The following ERC2 variants were observed in gnomAD, a reference collection of about 807,000 sequenced individuals.
The protein encoded by ERC2 is ELKS/RAB6-interacting/CAST family member 2.
ERC2 carries 42 observed loss-of-function variants against 114.8 expected under a neutral mutation model. That is an observed-to-expected ratio of 0.37 (90% confidence interval 0.29 to 0.47). The LOEUF (loss-of-function observed/expected upper bound fraction) is 0.47. Among genes scored for constraint, ERC2 ranks in the 20% least tolerant of loss-of-function variants. The probability of loss-of-function intolerance (pLI) is 0.99; values close to 1 mark genes in which losing one functional copy is unlikely to be tolerated. For missense variants in ERC2, 939 were observed against 1,150.7 expected, an observed-to-expected ratio of 0.82 and a Z score of 2.66; for synonymous variants, 454 against 425.5, an observed-to-expected ratio of 1.07 and a Z score of -0.82.
chr3:56,261,865 C>A (rs2052954047), intron 3 of ERC2, among the ~76,000 whole-genome samples: 1 of 152,162 alleles, frequency 6.6e-6, no homozygotes, highest in African/African-American at 2.4e-5. Context: ...CCTCCTCCCA[C>A]CTTCCACCCT....
chr3:56,057,004 A>G (rs1240249744), intron 7 of ERC2, among the ~76,000 whole-genome samples: 2 of 152,188 alleles, frequency 1.3e-5, no homozygotes, highest in African/African-American at 2.4e-5. Context: ...TCTAACCTAC[A>G]TAGTTAAAAA....
intron 14 of ERC2, among the ~76,000 whole-genome samples, chr3:55,788,350 A>G (rs2069682251): frequency 6.6e-6 from 1 of 152,170 alleles, no homozygotes; most frequent in Non-Finnish European, 1.5e-5. Context: ...GGGTATCTCG[A>G]GTCCTGGCCA....
intron 13 of ERC2, among the ~76,000 whole-genome samples, chr3:55,947,810 C>T (rs907181597): frequency 6.6e-6 from 1 of 152,130 alleles, no homozygotes; most frequent in East Asian, 1.9e-4. Flanking sequence ...ATTATTATGG[C>T]AATTGCTAAC....
chr3:55,593,990 C>A (rs904834410), intron 17 of ERC2, among the ~76,000 whole-genome samples: 2 of 152,148 alleles, frequency 1.3e-5, no homozygotes, highest in African/African-American at 4.8e-5. Flanking sequence ...ACGGTCCTGC[C>A]CAGCCTTCTT....
At chr3:55,947,551 G>A (rs1559914473) in intron 13 of ERC2, among the ~76,000 whole-genome samples, 2 of 152,136 alleles carry the variant, frequency 1.3e-5, no homozygotes, top group Admixed American at 6.5e-5. Context: ...GGCCTAGTAT[G>A]TTTTTGCTCA....
intron 3 of ERC2, among the ~76,000 whole-genome samples, chr3:56,258,585 C>A (rs1232760084): frequency 6.6e-6 from 1 of 152,144 alleles, no homozygotes; most frequent in Non-Finnish European, 1.5e-5. Context: ...ACCCGGGAGG[C>A]GGAGCTTGTA....
intron 3 of ERC2, among the ~76,000 whole-genome samples, chr3:56,183,886 T>C (rs949493478): frequency 6.6e-6 from 1 of 152,070 alleles, no homozygotes; most frequent in Non-Finnish European, 1.5e-5. Context: ...TAAAGATATA[T>C]ATAAAAATAT....
At chr3:55,722,886 T>C (rs543405400) in intron 15 of ERC2, among the ~76,000 whole-genome samples, 1 of 152,350 alleles carries the variant, frequency 6.6e-6, no homozygotes, top group Non-Finnish European at 1.5e-5. Context: ...TATTTACGAA[T>C]GTCAAGTCCA....
chr3:56,085,174 T>G (rs1360748713), intron 6 of ERC2, among the ~76,000 whole-genome samples: 3 of 152,092 alleles, frequency 2.0e-5, no homozygotes, highest in Admixed American at 2.0e-4. Flanking sequence ...AAAGAAAAAT[T>G]ATTGGAGTAG....
chr3:56,464,290 C>T (rs1017946979), intron 1 of ERC2, among the ~76,000 whole-genome samples: 31 of 152,180 alleles, frequency 2.0e-4, no homozygotes, highest in African/African-American at 4.6e-4. Flanking sequence ...GACATTTGCT[C>T]GTGTAGTTTG....
At chr3:55,698,852 G>A (rs865794675) in intron 16 of ERC2, among the ~76,000 whole-genome samples, 12 of 152,102 alleles carry the variant, frequency 7.9e-5, no homozygotes, top group African/African-American at 2.9e-4. Flanking sequence ...TTTCACATGC[G>A]TTACTTAGTC....
intron 3 of ERC2, among the ~76,000 whole-genome samples, chr3:56,230,337 A>T (rs1342713248): frequency 1.3e-5 from 2 of 152,264 alleles, no homozygotes; most frequent in East Asian, 3.8e-4. Context: ...TATCAAACCC[A>T]TTATTTGAAA....
At chr3:56,078,602 G>A (rs945710681) in intron 7 of ERC2, among the ~76,000 whole-genome samples, 2 of 152,126 alleles carry the variant, frequency 1.3e-5, no homozygotes, top group East Asian at 1.9e-4. Context: ...TGCATAGCTC[G>A]GTCCTTGAAT....
intron 1 of ERC2, among the ~76,000 whole-genome samples, chr3:56,442,291 C>T (rs2107455964): frequency 6.6e-6 from 1 of 152,228 alleles, no homozygotes; most frequent in Non-Finnish European, 1.5e-5. Context: ...AGCGAACTCG[C>T]CTCACTGCAA....
chr3:56,069,682 T>A lies in ERC2; in HGVS notation c.1641+11135A>T, dbSNP rs112488648. On this transcript the variant is annotated intron_variant, in intron 7 of 17. Transcript: ENST00000288221. ...ATCTACCACAGTACTTTTGTTAGAG[T>A]TATAAATGACTTTTATAAACCATAA... 8.1e-3 allele frequency among the ~76,000 whole-genome samples: 1,231 copies of A among 152,186 alleles called. 9 individuals carry two copies. Among genetic ancestry groups the A allele is most frequent in the African/African-American group, 0.024 (999 of 41,510 alleles).
intron 14 of ERC2, among the ~76,000 whole-genome samples, chr3:55,871,781 C>T (rs1029615729): frequency 6.6e-6 from 1 of 152,070 alleles, no homozygotes; most frequent in African/African-American, 2.4e-5. Context: ...TATAATACCA[C>T]CAAATGGTCC....
intron 14 of ERC2, among the ~76,000 whole-genome samples, chr3:55,823,800 C>T (rs963758791): frequency 1.3e-5 from 2 of 152,166 alleles, no homozygotes; most frequent in African/African-American, 2.4e-5. Context: ...GTGAAAATGA[C>T]GTGCCCCACT....
chr3:56,038,467 G>A (rs2074942701), intron 7 of ERC2, among the ~76,000 whole-genome samples: 1 of 152,156 alleles, frequency 6.6e-6, no homozygotes, highest in African/African-American at 2.4e-5. Flanking sequence ...AAAGAGGAAT[G>A]CTTTTACATT....
chr3:55,787,812 T>C (rs993875819), intron 14 of ERC2, among the ~76,000 whole-genome samples: 4 of 152,154 alleles, frequency 2.6e-5, no homozygotes, highest in African/African-American at 9.7e-5. Context: ...CCAGAAGATA[T>C]CATATCTCAA....
Sources: allele counts gnomAD v4.1 joint callset (sites outside exome capture counted in the v4.1 genomes callset), GRCh38; gene constraint gnomAD v4.1.1; transcripts MANE v1.5; gene names NCBI Gene and HGNC (gene_info 2026-07-23, HGNC 2026-07-21).